Variants in ETFB observed in about 807,000 individuals in gnomAD.
The protein encoded by ETFB is beta-ETF.
In ETFB, 20 loss-of-function variants were observed where a neutral mutation model predicts 25.6. The ratio of observed to expected loss-of-function variants is 0.78; its 90% CI spans 0.55 to 1.14. ETFB has a LOEUF of 1.14. Ranked by LOEUF, ETFB falls within the 50% of genes most tolerant of loss-of-function variation. The pLI is 0.00. For synonymous variants in ETFB, 142 were observed against 146.7 expected (o/e 0.97, Z 0.23); for missense variants, 286 against 342.6 (o/e 0.83, Z 1.30).
At position 51,346,935 on chromosome 19, in the gene ETFB, T is replaced by TGAGCCTC; in HGVS notation, c.555_561dup (p.Asn188GlufsTer58). On this transcript the variant is annotated frameshift_variant, in exon 5 of 6. Transcript: ENST00000309244. LOFTEE classifies it high-confidence loss of function. ...GGCAGCGTGGCGTAGCGGGGCTCGT[T>TGAGCCTC]GAGCCTCAGGTCAGCTGTCACCACA... 6.3e-7 allele frequency: 1 copy of TGAGCCTC among 1,579,528 alleles called. No homozygotes were observed.
At chr19:51,360,742 T>G (rs1279781748) in intron 1 of ETFB, among the ~76,000 whole-genome samples, 3 of 151,462 alleles carry the variant, frequency 2.0e-5, no homozygotes, top group African/African-American at 4.9e-5. Flanking sequence ...AGGGATTTTC[T>G]TCTCTTCTCT....
In ETFB at chr19:51,364,250, A is replaced by G. The variant is rs960099153; in HGVS notation, c.57+2020T>C. ...TGGGAGAAGGGAAAGAGGGTGGGAC[A>G]GTACCCAGGTCTAATCTGGTGTTTA... On this transcript the variant is annotated intron_variant, in intron 1 of 5. Coordinates refer to ENST00000309244, the MANE Select transcript of ETFB (RefSeq NM_001985.3). Among the ~76,000 whole-genome samples, 5 of 152,162 alleles carry G rather than the reference A, an allele frequency of 3.3e-5. 1 individual carries two copies. Among genetic ancestry groups the G allele is most frequent in the Admixed American group, 2.0e-4 (3 of 15,278 alleles).
chr19:51,349,279 G>C (rs1258864347), intron 4 of ETFB, among the ~76,000 whole-genome samples: 1 of 152,028 alleles, frequency 6.6e-6, no homozygotes. Context: ...TTATCAGGAC[G>C]TAACCCCATT....
At chr19:51,350,526 C>A (rs1985909753) in intron 3 of ETFB, 135 bp from the exon 4 acceptor site, 9 of 639,212 alleles carry the variant, frequency 1.4e-5, no homozygotes, top group South Asian at 1.4e-4. Context: ...GCTCTGTCAC[C>A]CAGGCTGGAG....
At chr19:51,366,213 G>A (rs1263036275) in intron 1 of ETFB, 57 bp downstream of exon 1, 2 of 1,550,016 alleles carry the variant, frequency 1.3e-6, no homozygotes, top group African/African-American at 1.4e-5. Flanking sequence ...TGCGCTCGTG[G>A]CCCCGGAAGC....
At chr19:51,356,905 GCT>G (rs1165797999) in intron 1 of ETFB, 13 of 152,128 alleles carry the variant, frequency 8.5e-5, no homozygotes, top group African/African-American at 3.1e-4. Flanking sequence ...AGCATCCTCA[GCT>G]CTGTCTTCAC....
At chr19:51,360,825 G>A (rs1986205269) in intron 1 of ETFB, among the ~76,000 whole-genome samples, 1 of 151,416 alleles carries the variant, frequency 6.6e-6, no homozygotes, top group Non-Finnish European at 1.5e-5. Context: ...TTGTTCTGTT[G>A]CCCAGGCTGG....
chr19:51,354,144 C>T lies in ETFB; in HGVS notation c.216+6G>A. On this transcript the variant is annotated splice_donor_region_variant and intron_variant, in intron 2 of 5. Transcript: ENST00000309244. ...AGTCCAGCCCCCTCCCCAAGACCTT[C>T]ATCACCTGGCACTGTGCAGGCCCAC... 2 of 1,613,750 alleles carry T rather than the reference C, an allele frequency of 1.2e-6. No individual in the cohort carries two copies. The highest frequency in any genetic ancestry group is 1.7e-6 in the Non-Finnish European group (2 of 1,179,924).
chr19:51,345,164 A>C (rs774586423), downstream of ETFB: 56 of 1,585,414 alleles, frequency 3.5e-5, no homozygotes, highest in Non-Finnish European at 4.7e-5. Flanking sequence ...ATAAGTTAAC[A>C]GAGATAGATG....
chr19:51,350,697 C>T (rs1199857260), intron 3 of ETFB, among the ~76,000 whole-genome samples: 1 of 152,090 alleles, frequency 6.6e-6, no homozygotes, highest in Non-Finnish European at 1.5e-5. Context: ...GTTGGCCAGG[C>T]TGGTCTTGAA....
At chr19:51,349,145 C>T (rs1985868595) in intron 4 of ETFB, among the ~76,000 whole-genome samples, 1 of 152,070 alleles carries the variant, frequency 6.6e-6, no homozygotes, top group African/African-American at 2.4e-5. Flanking sequence ...TATTTTACCC[C>T]ACTGTAGGCT....
At chr19:51,359,041 C>A (rs143017941) in intron 1 of ETFB, among the ~76,000 whole-genome samples, 2 of 151,864 alleles carry the variant, frequency 1.3e-5, no homozygotes, top group East Asian at 3.9e-4. Flanking sequence ...GGAGAAGGAG[C>A]TGGAAGAGGA....
chr19:51,347,564 A>AC, intron 4 of ETFB: 1 of 163,386 alleles, frequency 6.1e-6, no homozygotes, highest in Non-Finnish European at 1.3e-5. Context: ...GTGTGTGTCC[A>AC]CACCAGTCCT....
chr19:51,359,851 C>T (rs1445856972), intron 1 of ETFB, among the ~76,000 whole-genome samples: 1 of 151,844 alleles, frequency 6.6e-6, no homozygotes, highest in Non-Finnish European at 1.5e-5. Context: ...GAGACTTCAT[C>T]TCTACCAAAA....
intron 1 of ETFB, among the ~76,000 whole-genome samples, chr19:51,359,244 G>A (rs1381561379): frequency 6.6e-6 from 1 of 151,046 alleles, no homozygotes; most frequent in Non-Finnish European, 1.5e-5. Context: ...TTTTTGTAGA[G>A]AAAGGATTTC....
At chr19:51,356,290 C>A (rs1247809584) in intron 1 of ETFB, 1 of 152,066 alleles carries the variant, frequency 6.6e-6, no homozygotes, top group African/African-American at 2.4e-5. Context: ...TCGGATAACA[C>A]CTTAGACAAC....
At chr19:51,353,061 C>A in intron 3 of ETFB, 71 bp downstream of exon 3, 1 of 1,595,080 alleles carries the variant, frequency 6.3e-7, no homozygotes, top group Middle Eastern at 1.7e-4. Flanking sequence ...GCTGTCTCAC[C>A]CCGTATCTCC....
At position 51,366,384 on chromosome 19, in the gene ETFB, G is replaced by GGCCCCCCC; in HGVS notation, c.-59_-58insGGGGGGGC. The GGCCCCCCC allele has an allele frequency of 1.3e-6, 2 of 1,525,618 alleles. No individual in the cohort carries two copies. Among genetic ancestry groups the GGCCCCCCC allele is most frequent in the Non-Finnish European group, 8.9e-7 (1 of 1,120,116 alleles). The allele number at this position is 1,525,618 out of a possible 1,614,324, so 94.5% of individuals were successfully genotyped here. On this transcript the variant is annotated 5_prime_UTR_variant, in exon 1 of 6. Coordinates refer to ENST00000309244, the MANE Select transcript of ETFB (RefSeq NM_001985.3). ...GCACCCTCAGCGGCTCAGTCCAGAA[G>GGCCCCCCC]CCCCACCACCCCCGCCCCCCGCGCC...
chr19:51,347,085 G>C (rs866913724), intron 4 of ETFB, 27 bp from the exon 5 acceptor site: 2 of 1,613,352 alleles, frequency 1.2e-6, no homozygotes, highest in Middle Eastern at 3.3e-4. Flanking sequence ...TAGGAGGAGA[G>C]TGGGTGAGGC....
Sources: gnomAD v4.1 joint callset for allele counts (sites outside exome capture counted in the v4.1 genomes callset) on GRCh38, gnomAD v4.1.1 for gene constraint, MANE v1.5 for transcripts, NCBI Gene and HGNC (gene_info 2026-07-23, HGNC 2026-07-21) for gene names.